SYT16: variants seen among roughly 807,000 people sequenced by gnomAD.
SYT16 encodes synaptotagmin-16.
In SYT16, 42 loss-of-function variants were observed where a neutral mutation model predicts 61.4. The ratio of observed to expected loss-of-function variants is 0.68; its 90% CI spans 0.53 to 0.89. The LOEUF (loss-of-function observed/expected upper bound fraction) is 0.89. SYT16 is among the 40% of genes least tolerant of loss of function. The pLI, the probability that SYT16 is intolerant of heterozygous loss-of-function variation, is 0.00. For missense variants in SYT16, 804 were observed against 807.3 expected, an observed-to-expected ratio of 1.00 and a Z score of 0.05; for synonymous variants, 314 against 302.3, an observed-to-expected ratio of 1.04 and a Z score of -0.40.
At chr14:61,826,340 C>CACAGACCATGGAGTTCTGCCCATG (rs1491559043) in intron 1 of SYT16, among the ~76,000 whole-genome samples, 1 of 152,092 alleles carries the variant, frequency 6.6e-6, no homozygotes, top group Non-Finnish European at 1.5e-5. Flanking sequence ...ACATGAACTC[C>CACAGACCATGGAGTTCTGCCCATG]ACACAGACAG....
intron 1 of SYT16, among the ~76,000 whole-genome samples, chr14:61,920,089 G>A (rs550448765): frequency 6.4e-4 from 98 of 152,110 alleles, no homozygotes; most frequent in Middle Eastern, 3.4e-3. Flanking sequence ...TGTTTCACAC[G>A]CCTGTGCCTT....
At chr14:62,100,188 A>G (rs1104821) in intron 7 of SYT16, among the ~76,000 whole-genome samples, 37,954 of 152,112 alleles carry the variant, frequency 0.25, 4,901 homozygotes, top group Middle Eastern at 0.31. Flanking sequence ...GCCACATGAA[A>G]CATTAGGTAT....
chr14:61,921,105 T>C (rs1276722268), intron 1 of SYT16, among the ~76,000 whole-genome samples: 3 of 152,220 alleles, frequency 2.0e-5, no homozygotes, highest in African/African-American at 7.2e-5. Flanking sequence ...ATTTGTCTCT[T>C]GCCTCCCTTT....
chr14:61,992,161 C>T lies in SYT16; in HGVS notation c.-144-3715C>T, dbSNP rs184640134. 8.4e-4 allele frequency among the ~76,000 whole-genome samples: 128 copies of T among 152,176 alleles called. 1 individual carries two copies. Among genetic ancestry groups the T allele is most frequent in the Non-Finnish European group, 4.7e-4 (32 of 67,998 alleles). ...ACATTCAAAACACTCTGAGGCCACA[C>T]CTTTGATTGTAGATGAAGAGTTGAC... On this transcript the variant is annotated intron_variant, in intron 2 of 7. Transcript: ENST00000683842.
intron 3 of SYT16, among the ~76,000 whole-genome samples, chr14:62,030,790 G>A (rs1248843289): frequency 6.6e-6 from 1 of 152,162 alleles, no homozygotes; most frequent in Non-Finnish European, 1.5e-5. Context: ...TCAGACAGTG[G>A]CCTTTTGTAT....
intron 1 of SYT16, among the ~76,000 whole-genome samples, chr14:61,819,416 T>C (rs1047378240): frequency 3.3e-5 from 5 of 152,234 alleles, no homozygotes; most frequent in African/African-American, 1.2e-4. Flanking sequence ...CTGTCATCCT[T>C]CCATTAAGGA....
At chr14:62,045,240 A>G (rs1260769842) in intron 3 of SYT16, among the ~76,000 whole-genome samples, 3 of 152,158 alleles carry the variant, frequency 2.0e-5, no homozygotes, top group African/African-American at 4.8e-5. Flanking sequence ...TACTGTATAA[A>G]TTATCTTCCT....
At chr14:61,813,094 C>G (rs1033248339) in intron 1 of SYT16, among the ~76,000 whole-genome samples, 3 of 152,268 alleles carry the variant, frequency 2.0e-5, no homozygotes, top group Non-Finnish European at 4.4e-5. Context: ...TTCGCGGGCA[C>G]TGCCCCCAGG....
chr14:61,875,935 A>G lies in SYT16; in HGVS notation c.-325+63125A>G, dbSNP rs118009588. On this transcript the variant is annotated intron_variant, in intron 1 of 7. Transcript: ENST00000683842. ...GCAAGTCTTTGGTATTTTTGCAGTCATTGTGGAAGGTGACCACTGCCTTGT... is the reference window on the plus strand; with the variant it reads ...GCAAGTCTTTGGTATTTTTGCAGTCGTTGTGGAAGGTGACCACTGCCTTGT... 8.1e-4 allele frequency among the ~76,000 whole-genome samples: 124 copies of G among 152,322 alleles called. 4 individuals carry two copies. In the South Asian group the frequency reaches 0.025, roughly 30 times the overall value.
rs368069017 is a variant in SYT16, at chr14:61,993,976, G to C, written c.-144-1900G>C. Among the ~76,000 whole-genome samples, 283 of 152,258 alleles carry C rather than the reference G, an allele frequency of 1.9e-3. 6 individuals are homozygous for C. In the South Asian group the frequency reaches 0.058, roughly 31 times the overall value. The stretch of plus-strand genomic sequence containing the variant: ...AGCCTCCATTCTAGAGCAGGAGACA[G>C]GTGTAAACCTCATATAAAATCAGGT... On this transcript the variant is annotated intron_variant, in intron 2 of 7. Coordinates refer to ENST00000683842, the MANE Select transcript of SYT16 (RefSeq NM_001367656.1).
intron 1 of SYT16, among the ~76,000 whole-genome samples, chr14:61,936,393 C>T (rs1449059122): frequency 1.3e-5 from 2 of 151,806 alleles, no homozygotes; most frequent in African/African-American, 2.4e-5. Context: ...AAATTTGTTC[C>T]GGCTGCTGGG....
chr14:61,927,677 G>T (rs192242187), intron 1 of SYT16, among the ~76,000 whole-genome samples: 1 of 152,236 alleles, frequency 6.6e-6, no homozygotes, highest in Non-Finnish European at 1.5e-5. Flanking sequence ...CTACCTCCTC[G>T]TTAGCAAACA....
At chr14:61,945,525 C>T (rs1443740021) in intron 1 of SYT16, among the ~76,000 whole-genome samples, 1 of 152,082 alleles carries the variant, frequency 6.6e-6, no homozygotes, top group Non-Finnish European at 1.5e-5. Context: ...GAAAATGTGG[C>T]ATATATACAC....
chr14:61,916,645 A>G (rs917033861), intron 1 of SYT16, among the ~76,000 whole-genome samples: 1 of 152,154 alleles, frequency 6.6e-6, no homozygotes, highest in African/African-American at 2.4e-5. Flanking sequence ...ATTATTGATA[A>G]CTATAGTCAC....
Position 62,000,540 on chromosome 14 carries a change from T to TCAACAA in SYT16, c.523+3998_523+3999insCAACAA, listed in dbSNP as rs1324004946. 2.0e-5 allele frequency among the ~76,000 whole-genome samples: 3 copies of TCAACAA among 152,066 alleles called. No individual in the cohort carries two copies. In the East Asian group the frequency reaches 5.8e-4, roughly 29 times the overall value. On this transcript the variant is annotated intron_variant, in intron 3 of 7. Transcript: ENST00000683842. ...TTTAATTTGTTTTAACTGTTTGTATTTAATATAATTGTTGATATTGCTGAA... is the reference window on the plus strand; with the variant it reads ...TTTAATTTGTTTTAACTGTTTGTATTCAACAATAATATAATTGTTGATATTGCTGAA...
chr14:61,888,204 G>A (rs2047987562), intron 1 of SYT16, among the ~76,000 whole-genome samples: 4 of 147,170 alleles, frequency 2.7e-5, no homozygotes, highest in African/African-American at 1.0e-4. Context: ...TGCAACCTCC[G>A]TCTCCCACGT....
intron 1 of SYT16, among the ~76,000 whole-genome samples, chr14:61,957,092 T>C (rs963529012): frequency 1.3e-5 from 2 of 151,998 alleles, no homozygotes; most frequent in Admixed American, 6.5e-5. Context: ...TTCTAATTAC[T>C]CATTCAAATA....
Position 62,103,855 on chromosome 14 carries a change from G to A in SYT16, c.*3148G>A, listed in dbSNP as rs941652266. On this transcript the variant is annotated 3_prime_UTR_variant, in exon 8 of 8. Transcript: ENST00000683842. ...AGAGTATGGCATTGCATAGTCATTCGCTTTAGGCACTATTAATTCTGACAT... is the reference window on the plus strand; with the variant it reads ...AGAGTATGGCATTGCATAGTCATTCACTTTAGGCACTATTAATTCTGACAT... 3.3e-5 allele frequency: 5 copies of A among 152,162 alleles called. No individual in the cohort carries two copies. Among genetic ancestry groups the A allele is most frequent in the Admixed American group, 6.5e-5 (1 of 15,276 alleles). The allele number at this position is 152,162 out of a possible 1,614,324, so 9.4% of individuals were successfully genotyped here. A position where few individuals can be genotyped will look rare whatever the true frequency, so the allele number is the denominator to read the frequency against.
At chr14:61,896,839 C>G (rs2048341630) in intron 1 of SYT16, among the ~76,000 whole-genome samples, 1 of 152,136 alleles carries the variant, frequency 6.6e-6, no homozygotes, top group Non-Finnish European at 1.5e-5. Flanking sequence ...CTCTAGCCCC[C>G]TCCTCCCATA....
Sources: allele counts gnomAD v4.1 joint callset (sites outside exome capture counted in the v4.1 genomes callset), GRCh38; gene constraint gnomAD v4.1.1; transcripts MANE v1.5; gene names NCBI Gene and HGNC (gene_info 2026-07-23, HGNC 2026-07-21).